CBL: variants seen among roughly 807,000 people sequenced by gnomAD.
CBL encodes E3 ubiquitin-protein ligase CBL.
A neutral mutation model predicts 96.9 loss-of-function variants in CBL; 45 were observed. That is an observed-to-expected ratio of 0.46 (90% CI 0.37 to 0.60). The LOEUF (loss-of-function observed/expected upper bound fraction) is 0.60. CBL is among the 20% of genes least tolerant of loss of function. The probability of loss-of-function intolerance (pLI) is 0.00; values close to 1 mark genes in which losing one functional copy is unlikely to be tolerated. For missense variants in CBL, 1,024 were observed against 1,143.5 expected, an observed-to-expected ratio of 0.90 and a Z score of 1.51; for synonymous variants, 420 against 426.8, an observed-to-expected ratio of 0.98 and a Z score of 0.20.
chr11:119,273,780 G>A, intron 3 of CBL, 88 bp from the exon 4 acceptor site: 1 of 1,119,224 alleles, frequency 8.9e-7, no homozygotes, highest in Non-Finnish European at 1.3e-6. Flanking sequence ...AGAGCTTAAT[G>A]TGGCTCTCCT....
At chr11:119,246,254 C>T (rs888884415) in intron 2 of CBL, among the ~76,000 whole-genome samples, 11 of 150,576 alleles carry the variant, frequency 7.3e-5, no homozygotes, top group Admixed American at 6.6e-4. Context: ...ATTACAGGTG[C>T]GAACCACCGC....
At chr11:119,280,369 T>C (rs1043037062) in intron 9 of CBL, among the ~76,000 whole-genome samples, 1 of 152,218 alleles carries the variant, frequency 6.6e-6, no homozygotes, top group African/African-American at 2.4e-5. Flanking sequence ...CCTTGTACTT[T>C]ATAGTTCATT....
At chr11:119,210,870 G>A (rs998145769) in intron 1 of CBL, among the ~76,000 whole-genome samples, 11 of 151,860 alleles carry the variant, frequency 7.2e-5, no homozygotes, top group African/African-American at 2.7e-4. Flanking sequence ...TTATTCTAGG[G>A]GATATGTTCA....
At chr11:119,217,655 A>G (rs192660771) in intron 1 of CBL, among the ~76,000 whole-genome samples, 2 of 152,286 alleles carry the variant, frequency 1.3e-5, no homozygotes, top group Admixed American at 1.3e-4. Flanking sequence ...GCTGTATGCC[A>G]CAGTTGCTTT....
chr11:119,231,888 C>T (rs374176851), intron 1 of CBL, among the ~76,000 whole-genome samples: 2 of 150,060 alleles, frequency 1.3e-5, no homozygotes, highest in East Asian at 2.0e-4. Context: ...CAGGTGGCAT[C>T]GTTTGAGCTC....
At chr11:119,298,657 T>C (rs1050892918) in intron 15 of CBL, 117 bp downstream of exon 15, 1 of 908,236 alleles carries the variant, frequency 1.1e-6, no homozygotes, top group South Asian at 1.3e-5. Context: ...CTAAACATTA[T>C]GTCTAAATGG....
intron 1 of CBL, among the ~76,000 whole-genome samples, chr11:119,216,351 T>TATTC (rs1949360118): frequency 1.2e-5 from 1 of 86,122 alleles, no homozygotes; most frequent in African/African-American, 4.0e-5. Flanking sequence ...TTTATTTATT[T>TATTC]ATTTATTTAT....
intron 2 of CBL, among the ~76,000 whole-genome samples, chr11:119,249,185 A>G (rs1949653116): frequency 6.6e-6 from 1 of 152,242 alleles, no homozygotes; most frequent in African/African-American, 2.4e-5. Context: ...AAGTAGAAGC[A>G]GTTCAAGTGT....
chr11:119,209,039 C>T (rs985324276), intron 1 of CBL, among the ~76,000 whole-genome samples: 3 of 152,018 alleles, frequency 2.0e-5, no homozygotes, highest in African/African-American at 7.3e-5. Flanking sequence ...TGTCTGTTCC[C>T]CTCTTATCAC....
intron 12 of CBL, among the ~76,000 whole-genome samples, chr11:119,295,329 A>G (rs1016201653): frequency 7.9e-5 from 12 of 152,182 alleles, no homozygotes; most frequent in African/African-American, 2.4e-4. Context: ...GAATTACACA[A>G]CAGAAACGTA....
intron 2 of CBL, among the ~76,000 whole-genome samples, chr11:119,268,424 T>A (rs1326821738): frequency 6.6e-6 from 1 of 152,162 alleles, no homozygotes; most frequent in Non-Finnish European, 1.5e-5. Context: ...GTTTTGAACT[T>A]GTGGGAAGTA....
At chr11:119,282,401 A>G (rs1235682551) in intron 9 of CBL, among the ~76,000 whole-genome samples, 1 of 152,140 alleles carries the variant, frequency 6.6e-6, no homozygotes, top group Non-Finnish European at 1.5e-5. Flanking sequence ...ATGTAAAAAT[A>G]TGATTAGTTC....
intron 5 of CBL, 139 bp downstream of exon 5, chr11:119,275,092 C>A: frequency 1.2e-6 from 1 of 848,824 alleles, no homozygotes; most frequent in South Asian, 1.4e-5. Flanking sequence ...GTTTATCAGA[C>A]GTATTGACTT....
chr11:119,306,455 CAG>C lies in CBL; in HGVS notation c.*6679_*6680del, dbSNP rs1359544271. 1.8e-5 allele frequency: 7 copies of C among 398,410 alleles called. No individual in the cohort carries two copies. The highest frequency in any genetic ancestry group is 3.1e-5 in the Non-Finnish European group (7 of 225,978). The allele number at this position is 398,410 out of a possible 1,614,324, so 24.7% of individuals were successfully genotyped here. A position where few individuals can be genotyped will look rare whatever the true frequency, so the allele number is the denominator to read the frequency against. ...TCTGCCCCTAAATCAGACAGGAGGC[CAG>C]AGAGGAGTATTGCTCAATGCGTGCT... On this transcript the variant is annotated 3_prime_UTR_variant, in exon 16 of 16. Coordinates refer to ENST00000264033, the MANE Select transcript of CBL (RefSeq NM_005188.4).
chr11:119,299,948 A>G lies in CBL; in HGVS notation c.*167A>G, dbSNP rs1950090477. ...AAGATTTCAAAGTGGTGAAATGAAA[A>G]TGGAGCAGCTAGTATGTTTTATTAT... On this transcript the variant is annotated 3_prime_UTR_variant, in exon 16 of 16. Coordinates refer to ENST00000264033, the MANE Select transcript of CBL (RefSeq NM_005188.4). The G allele has an allele frequency of 2.7e-6, 2 of 741,160 alleles. No individual in the cohort carries two copies. The highest frequency in any genetic ancestry group is 4.8e-6 in the Non-Finnish European group (2 of 420,842). 45.9% of individuals were successfully genotyped at this position (741,160 alleles called of 1,614,324 possible).
chr11:119,277,851 T>C lies in CBL; in HGVS notation c.1095+7T>C. On this transcript the variant is annotated splice_region_variant and intron_variant, in intron 7 of 15. Transcript: ENST00000264033. The stretch of plus-strand genomic sequence containing the variant: ...CCATATCAAAGTGACCCAGGTGAGT[T>C]TTGTTTCACATGATAACCATATCAC... 2 of 1,588,834 alleles carry C rather than the reference T, an allele frequency of 1.3e-6. No individual in the cohort carries two copies. The highest frequency in any genetic ancestry group is 1.7e-6 in the Non-Finnish European group (2 of 1,156,884).
intron 2 of CBL, among the ~76,000 whole-genome samples, chr11:119,270,436 A>ATATTTTTTTTT (rs1565870008): frequency 2.6e-5 from 1 of 38,656 alleles, no homozygotes; most frequent in Non-Finnish European, 4.3e-5. Context: ...ATATATATAT[A>ATATTTTTTTTT]TTTTTTTTTT....
rs971746773 is a variant in CBL at position 119,285,497 on chromosome 11, G to T, written c.1872G>T (p.Leu624Phe). 1.9e-6 allele frequency: 3 copies of T among 1,614,080 alleles called. No individual in the cohort carries two copies. Among genetic ancestry groups the T allele is most frequent in the Admixed American group, 1.7e-5 (1 of 60,030 alleles). Residue 624 changes from leucine (L) to phenylalanine (F), a missense_variant, in exon 11 of 16, where the codon TTG becomes TTT. Transcript: ENST00000264033. ...LTNRHSLPFSLPSQMEPRPDV... is the reference protein window; with the variant it reads ...LTNRHSLPFSFPSQMEPRPDV... The stretch of plus-strand genomic sequence containing the variant: ...ACCGGCACTCACTTCCATTTTCATT[G>T]CCCTCACAAATGGAGCCCAGACCAG...
At chr11:119,223,867 T>A (rs1203425506) in intron 1 of CBL, among the ~76,000 whole-genome samples, 1 of 152,110 alleles carries the variant, frequency 6.6e-6, no homozygotes, top group Non-Finnish European at 1.5e-5. Flanking sequence ...CCTCATGATC[T>A]GCCCACTGCA....
Sources: allele counts gnomAD v4.1 joint callset (sites outside exome capture counted in the v4.1 genomes callset), GRCh38; gene constraint gnomAD v4.1.1; transcripts MANE v1.5; gene names NCBI Gene and HGNC (gene_info 2026-07-23, HGNC 2026-07-21).